The following CACNA2D1 variants were observed in gnomAD, a reference collection of about 807,000 sequenced individuals.
The protein encoded by CACNA2D1 is voltage-dependent calcium channel subunit alpha-2/delta-1.
A neutral mutation model predicts 171.5 loss-of-function variants in CACNA2D1; 53 were observed. The ratio of observed to expected loss-of-function variants is 0.31; its 90% CI spans 0.25 to 0.39. The LOEUF (loss-of-function observed/expected upper bound fraction) is 0.39, where lower values mean the gene tolerates loss of function less well. Among genes scored for constraint, CACNA2D1 ranks in the 10% least tolerant of loss-of-function variants. CACNA2D1 has a pLI of 1.00. For synonymous variants in CACNA2D1, 442 were observed against 443.1 expected, an observed-to-expected ratio of 1.00 and a Z score of 0.03; for missense variants, 903 against 1,299.8, an observed-to-expected ratio of 0.69 and a Z score of 4.69.
At chr7:82,422,974 C>G (rs1255432119) in intron 1 of CACNA2D1, among the ~76,000 whole-genome samples, 3 of 152,110 alleles carry the variant, frequency 2.0e-5, no homozygotes, top group African/African-American at 7.2e-5. Flanking sequence ...AAAAGCTCTG[C>G]AATTCTCACT....
intron 7 of CACNA2D1, among the ~76,000 whole-genome samples, chr7:82,074,706 A>G (rs1305737039): frequency 2.0e-5 from 3 of 152,152 alleles, no homozygotes; most frequent in Non-Finnish European, 4.4e-5. Context: ...CCTTGTTCTT[A>G]TCAGTCTTTC....
At chr7:82,320,100 G>A (rs971239542) in intron 3 of CACNA2D1, among the ~76,000 whole-genome samples, 19 of 152,024 alleles carry the variant, frequency 1.2e-4, no homozygotes, top group African/African-American at 4.6e-4. Context: ...CTGGAAGACA[G>A]ATGTTTGCCC....
chr7:82,011,154 A>G (rs1799726503), intron 15 of CACNA2D1, among the ~76,000 whole-genome samples: 1 of 152,150 alleles, frequency 6.6e-6, no homozygotes, highest in South Asian at 2.1e-4. Context: ...ATTGTTTAAC[A>G]GCGTGCCTGG....
At chr7:82,059,284 G>C (rs895178285) in intron 10 of CACNA2D1, among the ~76,000 whole-genome samples, 29 of 152,130 alleles carry the variant, frequency 1.9e-4, no homozygotes, top group African/African-American at 7.0e-4. Flanking sequence ...AATGACACAT[G>C]GTAACATTTG....
intron 3 of CACNA2D1, among the ~76,000 whole-genome samples, chr7:82,290,884 C>CA (rs1811447768): frequency 6.6e-6 from 1 of 151,668 alleles, no homozygotes. Context: ...ACGTGAGCCC[C>CA]CGCACCCAGT....
rs1351425008 is a variant in CACNA2D1, at chr7:81,983,131, G to C, written c.1894+183C>G. 3.3e-5 allele frequency among the ~76,000 whole-genome samples: 5 copies of C among 152,118 alleles called. No homozygotes were observed. In the East Asian group the frequency reaches 9.6e-4, roughly 29 times the overall value. Reference sequence around the variant, plus strand: ...AAGAAAAAAACTTGAATGTGAACCAGCTTGCATATGAAAACACAGCATATT... The same window carrying C: ...AAGAAAAAAACTTGAATGTGAACCACCTTGCATATGAAAACACAGCATATT... On this transcript the variant is annotated intron_variant, in intron 23 of 38. Coordinates refer to ENST00000356860, the MANE Select transcript of CACNA2D1 (RefSeq NM_000722.4).
At chr7:82,136,168 A>T (rs1462197762) in intron 5 of CACNA2D1, among the ~76,000 whole-genome samples, 5 of 152,220 alleles carry the variant, frequency 3.3e-5, no homozygotes, top group African/African-American at 1.2e-4. Context: ...TTTGTTTCAA[A>T]GACTGTACAA....
rs145864478 is a variant in CACNA2D1 at position 82,402,226 on chromosome 7, A to G, written c.95+41139T>C. ...GCATATGCAAAGTCAGAGAGGCAGC[A>G]TTTGGCAAATAATTGCTATTTATCA... is the stretch of plus-strand genomic sequence containing the variant. On this transcript the variant is annotated intron_variant, in intron 1 of 38. Coordinates refer to ENST00000356860, the MANE Select transcript of CACNA2D1 (RefSeq NM_000722.4). 6.1e-3 allele frequency among the ~76,000 whole-genome samples: 922 copies of G among 152,336 alleles called. 11 individuals carry two copies. Among genetic ancestry groups the G allele is most frequent in the African/African-American group, 0.021 (863 of 41,576 alleles).
At chr7:82,055,638 T>C (rs1245826224) in intron 10 of CACNA2D1, among the ~76,000 whole-genome samples, 10 of 150,444 alleles carry the variant, frequency 6.6e-5, no homozygotes, top group Admixed American at 1.3e-4. Flanking sequence ...ATGGAAACCA[T>C]CATTCTCAGC....
In CACNA2D1 at chr7:82,094,262, C is replaced by A. The variant is rs1192687277; in HGVS notation, c.527-9362G>T. Reference sequence around the variant, plus strand: ...AAAGAAAAAAAAAAACTATATACATCTCAGAAATTGAACTACAGATTAATA... The same window carrying A: ...AAAGAAAAAAAAAAACTATATACATATCAGAAATTGAACTACAGATTAATA... On this transcript the variant is annotated intron_variant, in intron 6 of 38. Transcript: ENST00000356860. Among the ~76,000 whole-genome samples the A allele has an allele frequency of 3.3e-5, 5 of 151,968 alleles. No homozygotes were observed. The South Asian group carries it at 1.0e-3, about 32-fold the overall frequency.
At chr7:82,092,964 A>G (rs896240260) in intron 6 of CACNA2D1, among the ~76,000 whole-genome samples, 4 of 151,972 alleles carry the variant, frequency 2.6e-5, no homozygotes, top group Non-Finnish European at 4.4e-5. Flanking sequence ...TGCAATTAAG[A>G]CCAAATTTAA....
intron 3 of CACNA2D1, among the ~76,000 whole-genome samples, chr7:82,258,636 A>G (rs1585244373): frequency 6.6e-6 from 1 of 152,126 alleles, no homozygotes; most frequent in Admixed American, 6.6e-5. Flanking sequence ...TCACCAAGAA[A>G]GCTCTTTTCA....
intron 1 of CACNA2D1, among the ~76,000 whole-genome samples, chr7:82,393,702 G>C (rs1168470104): frequency 6.6e-6 from 1 of 152,000 alleles, no homozygotes; most frequent in Non-Finnish European, 1.5e-5. Context: ...TTATACTAAA[G>C]CTTTCATTTG....
intron 3 of CACNA2D1, among the ~76,000 whole-genome samples, chr7:82,215,429 T>G (rs1800999156): frequency 6.6e-6 from 1 of 152,180 alleles, no homozygotes; most frequent in Admixed American, 6.5e-5. Context: ...GCAGGGTGTT[T>G]CAGTAACAGT....
At chr7:82,373,875 T>C (rs1209124948) in intron 1 of CACNA2D1, among the ~76,000 whole-genome samples, 1 of 152,238 alleles carries the variant, frequency 6.6e-6, no homozygotes, top group Non-Finnish European at 1.5e-5. Context: ...GCAATTGGTG[T>C]TTCACTTGCT....
chr7:82,404,349 G>C (rs904917195), intron 1 of CACNA2D1, among the ~76,000 whole-genome samples: 1 of 152,188 alleles, frequency 6.6e-6, no homozygotes, highest in East Asian at 1.9e-4. Context: ...GGTCAGAACA[G>C]ATTGGCTTCA....
chr7:82,437,763 T>C (rs532651591), intron 1 of CACNA2D1, among the ~76,000 whole-genome samples: 16 of 151,984 alleles, frequency 1.1e-4, no homozygotes, highest in African/African-American at 3.4e-4. Flanking sequence ...CTGCTAAGAG[T>C]AGCTGATTCT....
rs769907043 is a variant in CACNA2D1 at position 82,117,190 on chromosome 7, T to C, written c.397-17A>G. On this transcript the variant is annotated splice_polypyrimidine_tract_variant and intron_variant, in intron 5 of 38. Transcript: ENST00000356860. ...TTTCTCAGGCTATATAGAAAAAGAA[T>C]AAACAGAATATTACAATTTTTGCTA... 3.7e-6 allele frequency: 6 copies of C among 1,612,000 alleles called. No individual in the cohort carries two copies. Among genetic ancestry groups the C allele is most frequent in the Non-Finnish European group, 5.1e-6 (6 of 1,178,934 alleles).
intron 3 of CACNA2D1, among the ~76,000 whole-genome samples, chr7:82,299,129 G>GA (rs555397693): frequency 2.0e-5 from 3 of 150,258 alleles, no homozygotes; most frequent in Non-Finnish European, 4.4e-5. Context: ...GGTTAATTGG[G>GA]AAAAAAAAAT....
Sources: allele counts gnomAD v4.1 joint callset (sites outside exome capture counted in the v4.1 genomes callset), GRCh38; gene constraint gnomAD v4.1.1; transcripts MANE v1.5; gene names NCBI Gene and HGNC (gene_info 2026-07-23, HGNC 2026-07-21).